Variants in CLIC6 observed in about 807,000 individuals in gnomAD.
The protein encoded by CLIC6 is CLIC family member 6, also known as chloride intracellular channel protein 6.
In CLIC6, 39 loss-of-function variants were observed where a neutral mutation model predicts 49.2. The ratio of observed to expected loss-of-function variants is 0.79; its 90% CI spans 0.61 to 1.04. The LOEUF (loss-of-function observed/expected upper bound fraction) is 1.04. Ranked by LOEUF, CLIC6 falls within the 50% of genes least tolerant of loss-of-function variation. CLIC6 has a pLI of 0.00. For missense variants in CLIC6, 988 were observed against 993.1 expected (o/e 0.99, Z 0.07); for synonymous variants, 446 against 433.4 (o/e 1.03, Z -0.36).
chr21:34,683,558 C>G (rs1989820934), intron 1 of CLIC6, among the ~76,000 whole-genome samples: 2 of 152,006 alleles, frequency 1.3e-5, no homozygotes, highest in Admixed American at 1.3e-4. Flanking sequence ...TTGTCCCCAC[C>G]CAAATCTCAT....
intron 5 of CLIC6, among the ~76,000 whole-genome samples, chr21:34,713,257 G>C (rs1430094588): frequency 1.3e-5 from 2 of 152,188 alleles, no homozygotes; most frequent in African/African-American, 4.8e-5. Flanking sequence ...GTTTCTTACA[G>C]AAATTTTTCT....
chr21:34,712,962 C>T (rs967299964), intron 5 of CLIC6, among the ~76,000 whole-genome samples: 3 of 152,178 alleles, frequency 2.0e-5, no homozygotes, highest in South Asian at 2.1e-4. Flanking sequence ...CAGTGGTTGG[C>T]GACAAGGTGC....
rs1016979354 is a variant in CLIC6, at chr21:34,669,568, A to C, written c.180A>C (p.Ala60=). 1.0e-5 allele frequency: 13 copies of C among 1,257,066 alleles called. No homozygotes were observed. Among genetic ancestry groups the C allele is most frequent in the Non-Finnish European group, 1.2e-5 (12 of 1,003,894 alleles). 77.9% of individuals were successfully genotyped at this position (1,257,066 alleles called of 1,614,324 possible). A position where few individuals can be genotyped will look rare whatever the true frequency, so the allele number is the denominator to read the frequency against. The part of the protein sequence containing the change: ...APRGAAAVKE[A]GGGGPDRGPE... Reference sequence around the variant, plus strand: ...GGGGCGCCGCCGCTGTGAAGGAGGCAGGAGGCGGCGGGCCAGACAGGGGCC... The same window carrying C: ...GGGGCGCCGCCGCTGTGAAGGAGGCCGGAGGCGGCGGGCCAGACAGGGGCC... The change falls in exon 1 of 6, where the codon GCA becomes GCC. Residue 60 remains alanine, a synonymous_variant. Transcript: ENST00000349499.
At chr21:34,689,557 C>T (rs561491585) in intron 1 of CLIC6, among the ~76,000 whole-genome samples, 1 of 151,542 alleles carries the variant, frequency 6.6e-6, no homozygotes, top group African/African-American at 2.4e-5. Context: ...AGAAGGTGCT[C>T]TAACAAGTGT....
At chr21:34,695,360 G>A (rs1479685468) in intron 1 of CLIC6, among the ~76,000 whole-genome samples, 2 of 152,190 alleles carry the variant, frequency 1.3e-5, no homozygotes, top group East Asian at 3.8e-4. Context: ...AATAATCCAG[G>A]ATAATCTCCC....
chr21:34,704,322 A>C (rs2055999927), intron 1 of CLIC6, among the ~76,000 whole-genome samples: 1 of 152,192 alleles, frequency 6.6e-6, no homozygotes, highest in Non-Finnish European at 1.5e-5. Context: ...TAAAGTAATA[A>C]AATTAGGCAG....
chr21:34,669,863 A>T lies in CLIC6; in HGVS notation c.475A>T (p.Ser159Cys). The change falls in exon 1 of 6, where the codon AGC becomes TGC. Residue 159 changes from serine to cysteine, a missense_variant. Coordinates refer to ENST00000349499, the MANE Select transcript of CLIC6 (RefSeq NM_053277.3). ...EGSASGEAGDSVDAEGPLGDN... is the reference protein window; with the variant it reads ...EGSASGEAGDCVDAEGPLGDN... ...TAGCGCGTCCGGGGAGGCGGGGGAC[A>T]GCGTAGACGCGGAGGGCCCGCTGGG... 7.2e-7 allele frequency: 1 copy of T among 1,398,016 alleles called. No individual in the cohort carries two copies. The highest frequency in any genetic ancestry group is 9.2e-7 in the Non-Finnish European group (1 of 1,083,812). 86.6% of individuals were successfully genotyped at this position (1,398,016 alleles called of 1,614,324 possible).
intron 1 of CLIC6, 76 bp from the exon 2 acceptor site, chr21:34,707,204 T>C (rs2056020355): frequency 5.6e-6 from 6 of 1,074,752 alleles, no homozygotes; most frequent in South Asian, 1.3e-5. Context: ...GCAATGATTT[T>C]GCATGTGCAT....
chr21:34,674,493 C>T (rs1406194110), intron 1 of CLIC6, among the ~76,000 whole-genome samples: 1 of 152,170 alleles, frequency 6.6e-6, no homozygotes, highest in African/African-American at 2.4e-5. Context: ...CCCACATTTG[C>T]TTCTAATTAG....
At position 34,702,444 on chromosome 21, in the gene CLIC6, G is replaced by C. The variant is rs1016323220; in HGVS notation, c.1375-4836G>C. On this transcript the variant is annotated intron_variant, in intron 1 of 5. Transcript: ENST00000349499. ...CAAGCACCCGCCATTCCATATGCCA[G>C]ATGCTGACAGTAATATCCCTCAGGC... Among the ~76,000 whole-genome samples the C allele has an allele frequency of 5.3e-5, 8 of 152,182 alleles. No homozygotes were observed. The East Asian group carries it at 1.4e-3, about 26-fold the overall frequency.
At chr21:34,679,452 C>G (rs1225692672) in intron 1 of CLIC6, among the ~76,000 whole-genome samples, 1 of 152,144 alleles carries the variant, frequency 6.6e-6, no homozygotes, top group Non-Finnish European at 1.5e-5. Context: ...ATCATTCCAC[C>G]CAGGCCCCTC....
intron 1 of CLIC6, among the ~76,000 whole-genome samples, chr21:34,688,067 CA>C (rs538310691): frequency 2.0e-4 from 31 of 151,558 alleles, no homozygotes; most frequent in Admixed American, 1.7e-3. Flanking sequence ...TATTTATTTA[CA>C]AAAAAAAATT....
rs192573042 is a variant in CLIC6 at position 34,716,998 on chromosome 21, C to T, written c.*516C>T. The T allele has an allele frequency of 3.3e-5, 5 of 152,274 alleles. No homozygotes were observed. The highest frequency in any genetic ancestry group is 2.0e-4 in the Admixed American group (3 of 15,284). 9.4% of individuals were successfully genotyped at this position (152,274 alleles called of 1,614,324 possible). A position where few individuals can be genotyped will look rare whatever the true frequency, so the allele number is the denominator to read the frequency against. On this transcript the variant is annotated 3_prime_UTR_variant, in exon 6 of 6. Transcript: ENST00000349499. ...ATGATCATACACAGAGGACTTACAC[C>T]ATACAAAAATATTGGGCACCGCAGT...
At chr21:34,701,333 AAT>A (rs1452449841) in intron 1 of CLIC6, among the ~76,000 whole-genome samples, 7 of 150,854 alleles carry the variant, frequency 4.6e-5, no homozygotes, top group Non-Finnish European at 1.0e-4. Context: ...AAAAAAAAAA[AAT>A]CAGTGGTTCT....
chr21:34,708,655 T>C, intron 3 of CLIC6, 45 bp from the exon 4 acceptor site: 1 of 1,358,748 alleles, frequency 7.4e-7, no homozygotes, highest in Non-Finnish European at 1.1e-6. Flanking sequence ...TTATCTTCAC[T>C]AAAACATCAC....
intron 1 of CLIC6, among the ~76,000 whole-genome samples, chr21:34,703,723 C>T (rs915273873): frequency 2.2e-4 from 34 of 152,210 alleles, no homozygotes; most frequent in African/African-American, 6.5e-4. Flanking sequence ...CCATACGACT[C>T]GGACCTTGGT....
chr21:34,716,545 T>G lies in CLIC6; in HGVS notation c.*63T>G. 7.2e-7 allele frequency: 1 copy of G among 1,382,172 alleles called. No individual in the cohort carries two copies. The highest frequency in any genetic ancestry group is 9.7e-7 in the Non-Finnish European group (1 of 1,033,678). 85.6% of individuals were successfully genotyped at this position (1,382,172 alleles called of 1,614,324 possible). ...AGCAAGGATACGAAAACAGTGTGTT[T>G]GAAAACAAATTAGGTTTGGGTTCAA... On this transcript the variant is annotated 3_prime_UTR_variant, in exon 6 of 6. Transcript: ENST00000349499.
rs916516287 is a variant in CLIC6 at position 34,669,608 on chromosome 21, C to T, written c.220C>T (p.Arg74Trp). The T allele has an allele frequency of 7.9e-7, 1 of 1,266,206 alleles. No homozygotes were observed. The highest frequency in any genetic ancestry group is 3.0e-5 in the South Asian group (1 of 33,022). 78.4% of individuals were successfully genotyped at this position (1,266,206 alleles called of 1,614,324 possible). The change falls in exon 1 of 6, where the codon CGG becomes TGG. Residue 74 changes from arginine (R) to tryptophan (W), a missense_variant. Coordinates refer to ENST00000349499, the MANE Select transcript of CLIC6 (RefSeq NM_053277.3). ...AGACAGGGGCCCGGAGGCCGAGGCG[C>T]GGGGCACGAGGGGGGCGCACGGCGA... ...GPDRGPEAEA[R>W]GTRGAHGETE...
At chr21:34,708,574 T>C in intron 3 of CLIC6, 126 bp from the exon 4 acceptor site, 1 of 676,992 alleles carries the variant, frequency 1.5e-6, no homozygotes, top group Non-Finnish European at 2.6e-6. Context: ...AGGAAAAGGG[T>C]CAGGAAAACG....
Sources: allele counts gnomAD v4.1 joint callset (sites outside exome capture counted in the v4.1 genomes callset), GRCh38; gene constraint gnomAD v4.1.1; transcripts MANE v1.5; gene names NCBI Gene and HGNC (gene_info 2026-07-23, HGNC 2026-07-21).